Variants in ZNF474 observed in about 807,000 individuals in gnomAD.
ZNF474 encodes 4933409D10Rik.
For synonymous variants in ZNF474, 192 were observed against 162.2 expected (o/e 1.18, Z -1.39); for missense variants, 511 against 433.8 (o/e 1.18, Z -1.58).
intron 1 of ZNF474, among the ~76,000 whole-genome samples, chr5:122,144,367 G>A (rs554862072): frequency 1.1e-4 from 16 of 152,256 alleles, no homozygotes; most frequent in Admixed American, 4.6e-4. Context: ...TAGTGAATCC[G>A]GCTAGTGAGA....
chr5:122,149,903 G>GTGTGTGTGTGTGTGTGTGTGTGTGTGTT (rs1186152932), intron 1 of ZNF474, among the ~76,000 whole-genome samples: 2 of 151,048 alleles, frequency 1.3e-5, no homozygotes, highest in African/African-American at 4.9e-5. Context: ...GTGTGTGTGT[G>GTGTGTGTGTGTGTGTGTGTGTGTGTGTT]TGTGTGTGTG....
In ZNF474 at chr5:122,152,341, G is replaced by T; in HGVS notation, c.351G>T (p.Leu117Phe). 6.2e-7 allele frequency: 1 copy of T among 1,614,212 alleles called. No homozygotes were observed. Among genetic ancestry groups the T allele is most frequent in the Non-Finnish European group, 8.5e-7 (1 of 1,180,048 alleles). The change falls in exon 2 of 2, where the codon TTG (leucine) becomes TTT (phenylalanine). Residue 117 changes from leucine to phenylalanine, a missense_variant. Leu to Phe is a conservative substitution (Grantham distance 22). Coordinates refer to ENST00000296600, the MANE Select transcript of ZNF474 (RefSeq NM_207317.3). ...QSIAIHEPQC[L>F]QKWHIENSKL... Reference sequence around the variant, plus strand: ...TTGCCATTCATGAACCCCAGTGCTTGCAGAAGTGGCATATTGAAAACAGCA... The same window carrying T: ...TTGCCATTCATGAACCCCAGTGCTTTCAGAAGTGGCATATTGAAAACAGCA...
chr5:122,141,455 T>A (rs1755844822), intron 1 of ZNF474, among the ~76,000 whole-genome samples: 1 of 151,938 alleles, frequency 6.6e-6, no homozygotes, highest in African/African-American at 2.4e-5. Context: ...ACTACAGGCA[T>A]GTGCCACCAT....
At chr5:122,144,020 G>A (rs538252267) in intron 1 of ZNF474, among the ~76,000 whole-genome samples, 2 of 151,574 alleles carry the variant, frequency 1.3e-5, no homozygotes, top group Non-Finnish European at 2.9e-5. Flanking sequence ...CTAAACACTG[G>A]CTGCTTTATT....
chr5:122,151,620 G>C (rs1334935881), intron 1 of ZNF474, among the ~76,000 whole-genome samples, 159 bp from the exon 2 acceptor site: 2 of 151,398 alleles, frequency 1.3e-5, no homozygotes, highest in Non-Finnish European at 2.9e-5. Context: ...CCATATGCTG[G>C]TTACTGTGCT....
intron 1 of ZNF474, among the ~76,000 whole-genome samples, chr5:122,144,558 C>A (rs180873173): frequency 6.6e-6 from 1 of 152,250 alleles, no homozygotes; most frequent in East Asian, 1.9e-4. Flanking sequence ...ATAACAGGAA[C>A]TAAGTCAAGC....
intron 1 of ZNF474, among the ~76,000 whole-genome samples, chr5:122,140,843 A>G (rs537605795): frequency 2.0e-5 from 3 of 152,160 alleles, no homozygotes; most frequent in Non-Finnish European, 4.4e-5. Context: ...AGCATCTCCA[A>G]TGTTCTTGTG....
At chr5:122,136,020 T>C (rs1438531399) in intron 1 of ZNF474, among the ~76,000 whole-genome samples, 2 of 151,996 alleles carry the variant, frequency 1.3e-5, no homozygotes, top group Non-Finnish European at 2.9e-5. Context: ...TAAATAGGGG[T>C]TGGTTAATGA....
At chr5:122,146,535 T>A (rs947295488) in intron 1 of ZNF474, among the ~76,000 whole-genome samples, 2 of 152,100 alleles carry the variant, frequency 1.3e-5, no homozygotes, top group African/African-American at 4.8e-5. Context: ...AAAAAATTCC[T>A]TCATCAAAAA....
intron 1 of ZNF474, among the ~76,000 whole-genome samples, chr5:122,137,519 G>T (rs1390209531): frequency 7.3e-6 from 1 of 136,642 alleles, no homozygotes; most frequent in Non-Finnish European, 1.6e-5. Flanking sequence ...TTTAAATAGA[G>T]ACCTGAAGGA....
At chr5:122,146,425 C>T (rs1278594726) in intron 1 of ZNF474, among the ~76,000 whole-genome samples, 1 of 151,778 alleles carries the variant, frequency 6.6e-6, no homozygotes, top group Non-Finnish European at 1.5e-5. Context: ...TCATAAGAAC[C>T]ATTGATCCAG....
chr5:122,151,705 A>ATTG (rs1554065527), intron 1 of ZNF474, 74 bp from the exon 2 acceptor site: 6 of 201,434 alleles, frequency 3.0e-5, no homozygotes, highest in South Asian at 2.6e-4. Context: ...AACAACCTAA[A>ATTG]TGTGTGTGTG....
intron 1 of ZNF474, among the ~76,000 whole-genome samples, chr5:122,140,408 G>T (rs1048345378): frequency 1.3e-5 from 2 of 152,104 alleles, no homozygotes; most frequent in Non-Finnish European, 2.9e-5. Context: ...AGGGAACTGG[G>T]CAAGTGTACA....
chr5:122,134,050 A>G (rs1484936646), intron 1 of ZNF474, among the ~76,000 whole-genome samples: 1 of 152,200 alleles, frequency 6.6e-6, no homozygotes, highest in East Asian at 1.9e-4. Context: ...GCAATTCCAG[A>G]AGTAAGTTGT....
chr5:122,144,432 G>A (rs1177837864), intron 1 of ZNF474, among the ~76,000 whole-genome samples: 1 of 152,170 alleles, frequency 6.6e-6, no homozygotes, highest in African/African-American at 2.4e-5. Context: ...CTGTTACTCA[G>A]CATCAGCTTA....
intron 1 of ZNF474, among the ~76,000 whole-genome samples, chr5:122,143,166 A>G (rs928923312): frequency 2.0e-5 from 3 of 152,328 alleles, no homozygotes; most frequent in East Asian, 1.9e-4. Context: ...GTGATGTATC[A>G]GAAAGGTTCC....
In ZNF474 at chr5:122,153,212, C is replaced by A. The variant is rs1756245938; in HGVS notation, c.*127C>A. ...TCCCTGTTGAACTCCAGGGCCTATA[C>A]CTCTCTTGGCTGAATAGATATAAGA... On this transcript the variant is annotated 3_prime_UTR_variant, in exon 2 of 2. Coordinates refer to ENST00000296600, the MANE Select transcript of ZNF474 (RefSeq NM_207317.3). The A allele has an allele frequency of 8.4e-7, 1 of 1,184,954 alleles. No homozygotes were observed. The highest frequency in any genetic ancestry group is 1.2e-6 in the Non-Finnish European group (1 of 853,050). The allele number at this position is 1,184,954 out of a possible 1,614,324, so 73.4% of individuals were successfully genotyped here.
intron 1 of ZNF474, among the ~76,000 whole-genome samples, chr5:122,137,340 T>TG (rs577043790): frequency 2.8e-5 from 4 of 145,174 alleles, no homozygotes; most frequent in Non-Finnish European, 4.5e-5. Context: ...CTCAGCTACT[T>TG]GGGAGGCTGA....
intron 1 of ZNF474, among the ~76,000 whole-genome samples, chr5:122,141,879 A>T (rs1755856943): frequency 6.6e-6 from 1 of 152,122 alleles, no homozygotes; most frequent in South Asian, 2.1e-4. Context: ...CACACTTGAA[A>T]TTTTTTCTGC....
Sources: gnomAD v4.1 joint callset for allele counts (sites outside exome capture counted in the v4.1 genomes callset) on GRCh38, gnomAD v4.1.1 for gene constraint, MANE v1.5 for transcripts, NCBI Gene and HGNC (gene_info 2026-07-23, HGNC 2026-07-21) for gene names.